Variants in KCNJ11 observed in about 807,000 individuals in gnomAD.
KCNJ11 encodes the protein potassium inwardly rectifying channel subfamily J member 11, also known as ATP-sensitive inward rectifier potassium channel 11.
Under a neutral mutation model 17.3 loss-of-function variants are expected in KCNJ11, and 12 were observed. That is an observed-to-expected ratio of 0.69 (90% CI 0.44 to 1.12). KCNJ11 has a LOEUF of 1.12. KCNJ11 is among the 50% of genes most tolerant of loss of function. The pLI is 0.00. For synonymous variants in KCNJ11, 211 were observed against 223.4 expected (o/e 0.94, Z 0.50); for missense variants, 386 against 554.1 (o/e 0.70, Z 3.05).
In KCNJ11 at chr11:17,388,650, C is replaced by G. The variant is rs547932593; in HGVS notation, c.-559G>C. On this transcript the variant is annotated 5_prime_UTR_variant, in exon 1 of 1. Transcript: ENST00000339994. ...ACCTGCCTGGCGCCTAGGGAGCCCCCAACCCTGCCGGCTCTCCACCTGGCC... is the reference window on the plus strand; with the variant it reads ...ACCTGCCTGGCGCCTAGGGAGCCCCGAACCCTGCCGGCTCTCCACCTGGCC... 157 of 357,478 alleles carry G rather than the reference C, an allele frequency of 4.4e-4. 1 individual carries two copies. The highest frequency in any genetic ancestry group is 1.7e-3 in the Middle Eastern group (4 of 2,364). The allele number at this position is 357,478 out of a possible 1,614,324, so 22.1% of individuals were successfully genotyped here.
Position 17,386,799 on chromosome 11 carries a change from G to T in KCNJ11, c.*120C>A. 1.2e-6 allele frequency: 1 copy of T among 819,540 alleles called. No homozygotes were observed. Among genetic ancestry groups the T allele is most frequent in the South Asian group, 1.8e-5 (1 of 56,572 alleles). The allele number at this position is 819,540 out of a possible 1,614,324, so 50.8% of individuals were successfully genotyped here. ...GTGACAAGTGCCTTGTAACACCCTG[G>T]ATGAGCAGCAGGGGGAGGCTGAGCT... On this transcript the variant is annotated 3_prime_UTR_variant, in exon 1 of 1. Coordinates refer to ENST00000339994, the MANE Select transcript of KCNJ11 (RefSeq NM_000525.4).
At position 17,385,722 on chromosome 11, in the gene KCNJ11, C is replaced by T. The variant is rs191682072; in HGVS notation, c.*1197G>A. Reference sequence around the variant, plus strand: ...TCCCCCTGAACTGGTGGAAGAGGTGCCAGCCTTCCGTCCCTCCCCTGCCCT... The same window carrying T: ...TCCCCCTGAACTGGTGGAAGAGGTGTCAGCCTTCCGTCCCTCCCCTGCCCT... On this transcript the variant is annotated 3_prime_UTR_variant, in exon 1 of 1. Transcript: ENST00000339994. The T allele has an allele frequency of 2.1e-3, 328 of 152,666 alleles. 2 individuals carry two copies. Among genetic ancestry groups the T allele is most frequent in the Middle Eastern group, 0.01 (3 of 294 alleles). 9.5% of individuals were successfully genotyped at this position (152,666 alleles called of 1,614,324 possible).
Position 17,387,741 on chromosome 11 carries a change from G to A in KCNJ11, c.351C>T (p.Phe117=), listed in dbSNP as rs1377287815. 6.2e-7 allele frequency: 1 copy of A among 1,614,134 alleles called. No individual in the cohort carries two copies. Among genetic ancestry groups the A allele is most frequent in the South Asian group, 1.1e-5 (1 of 91,084 alleles). Residue 117 remains phenylalanine, a synonymous_variant, in exon 1 of 1, where the codon TTC becomes TTT. Transcript: ENST00000339994. ...CAATGGAGAAAAGGAAGGCAGACGAGAAGGAGTGGATGCTGGTGACACAGG... is the reference window on the plus strand; with the variant it reads ...CAATGGAGAAAAGGAAGGCAGACGAAAAGGAGTGGATGCTGGTGACACAGG... ...AEPCVTSIHS[F]SSAFLFSIEV...
At position 17,388,176 on chromosome 11, in the gene KCNJ11, G is replaced by T. The variant is rs761208553; in HGVS notation, c.-85C>A. The T allele has an allele frequency of 4.1e-6, 5 of 1,214,856 alleles. No individual in the cohort carries two copies. In the East Asian group the frequency reaches 9.7e-5, roughly 23 times the overall value. The allele number at this position is 1,214,856 out of a possible 1,614,324, so 75.3% of individuals were successfully genotyped here. On this transcript the variant is annotated 5_prime_UTR_variant, in exon 1 of 1. Transcript: ENST00000339994. ...TAGGGCCTCACTGCAGAGTCCTCTC[G>T]GTGGGCACCTTCTCACCCTGGGGCT...
Position 17,388,075 on chromosome 11 carries a change from C to A in KCNJ11, c.17G>T (p.Gly6Val). 2 of 1,611,028 alleles carry A rather than the reference C, an allele frequency of 1.2e-6. No homozygotes were observed. Among genetic ancestry groups the A allele is most frequent in the Non-Finnish European group, 1.7e-6 (2 of 1,179,790 alleles). ...CAGCACGTATTCCTCGGGGATGATG[C>A]CCTTGCGGGACAGCATGGCTCCGGT... MLSRK[G>V]IIPEEYVLTR... The change falls in exon 1 of 1, where the codon GGC (glycine) becomes GTC (valine). Residue 6 changes from glycine to valine, a missense_variant. Physicochemically the swap from Gly to Val is moderately radical, Grantham distance 109. Transcript: ENST00000339994.
Position 17,387,267 on chromosome 11 carries a change from C to T in KCNJ11, c.825G>A (p.Leu275=), listed in dbSNP as rs2133379423. 6.2e-7 allele frequency: 1 copy of T among 1,614,130 alleles called. No homozygotes were observed. The highest frequency in any genetic ancestry group is 2.2e-5 in the East Asian group (1 of 44,868). ...TGATCTCGAGGTCCTGGTGGTGGTG[C>T]AGGTCGCTGGGTGCCAGGTCGTAGA... is the stretch of plus-strand genomic sequence containing the variant. ...SPLYDLAPSD[L]HHHQDLEIIV... Residue 275 remains leucine, a synonymous_variant, in exon 1 of 1, where the codon CTG becomes CTA. Coordinates refer to ENST00000339994, the MANE Select transcript of KCNJ11 (RefSeq NM_000525.4).
At chr11:17,388,751 C>A, upstream of KCNJ11, 2 of 441,000 alleles carry the variant, frequency 4.5e-6, no homozygotes, top group Non-Finnish European at 4.6e-6. Flanking sequence ...CCCCGCCCAG[C>A]CTGCCTTCCC....
rs141145502 is a variant in KCNJ11, at chr11:17,387,991, C to A, written c.101G>T (p.Arg34Leu). ...GCAGTTGCCTTTCTTGGACACAAAG[C>A]GGGCCCTCCGCTGGCGGGCACGGTA... ...PRYRARQRRARFVSKKGNCNV... is the reference protein window; with the variant it reads ...PRYRARQRRALFVSKKGNCNV... The change falls in exon 1 of 1, where the codon CGC becomes CTC. Residue 34 changes from arginine (R) to leucine (L), a missense_variant. Arg to Leu is a moderately radical substitution (Grantham distance 102). Transcript: ENST00000339994. 1 of 1,613,896 alleles carries A rather than the reference C, an allele frequency of 6.2e-7. No homozygotes were observed. Among genetic ancestry groups the A allele is most frequent in the Non-Finnish European group, 8.5e-7 (1 of 1,179,850 alleles).
At position 17,386,822 on chromosome 11, in the gene KCNJ11, G is replaced by T; in HGVS notation, c.*97C>A. On this transcript the variant is annotated 3_prime_UTR_variant, in exon 1 of 1. Coordinates refer to ENST00000339994, the MANE Select transcript of KCNJ11 (RefSeq NM_000525.4). ...TGGATGAGCAGCAGGGGGAGGCTGA[G>T]CTGAGGCTGGCCCAGCCTCACACCA... 9.2e-7 allele frequency: 1 copy of T among 1,084,834 alleles called. No individual in the cohort carries two copies. Among genetic ancestry groups the T allele is most frequent in the Non-Finnish European group, 1.3e-6 (1 of 753,246 alleles). The allele number at this position is 1,084,834 out of a possible 1,614,324, so 67.2% of individuals were successfully genotyped here.
In KCNJ11 at chr11:17,386,750, C is replaced by T. The variant is rs1208727100; in HGVS notation, c.*169G>A. ...GGACAAAAATAACCCAGTACAGGTT[C>T]CTGCTGAGGCCAGAAATAGCATAGT... On this transcript the variant is annotated 3_prime_UTR_variant, in exon 1 of 1. Transcript: ENST00000339994. 3 of 630,796 alleles carry T rather than the reference C, an allele frequency of 4.8e-6. No individual in the cohort carries two copies. Among genetic ancestry groups the T allele is most frequent in the Non-Finnish European group, 8.2e-6 (3 of 364,114 alleles). The allele number at this position is 630,796 out of a possible 1,614,324, so 39.1% of individuals were successfully genotyped here.
In KCNJ11 at chr11:17,386,863, A is replaced by C; in HGVS notation, c.*56T>G. On this transcript the variant is annotated 3_prime_UTR_variant, in exon 1 of 1. Coordinates refer to ENST00000339994, the MANE Select transcript of KCNJ11 (RefSeq NM_000525.4). ...CCTCACACCAGGCCCTGGCCGGGCTACATACCACATGGTCCGTGTGTACAC... is the reference window on the plus strand; with the variant it reads ...CCTCACACCAGGCCCTGGCCGGGCTCCATACCACATGGTCCGTGTGTACAC... 3 of 1,504,858 alleles carry C rather than the reference A, an allele frequency of 2.0e-6. No individual in the cohort carries two copies. The highest frequency in any genetic ancestry group is 2.7e-6 in the Non-Finnish European group (3 of 1,104,890). The allele number at this position is 1,504,858 out of a possible 1,614,324, so 93.2% of individuals were successfully genotyped here.
In KCNJ11 at chr11:17,388,616, CT is replaced by C; in HGVS notation, c.-526del. The C allele has an allele frequency of 2.9e-6, 1 of 343,496 alleles. No individual in the cohort carries two copies. Among genetic ancestry groups the C allele is most frequent in the Non-Finnish European group, 6.1e-6 (1 of 164,582 alleles). The allele number at this position is 343,496 out of a possible 1,614,324, so 21.3% of individuals were successfully genotyped here. On this transcript the variant is annotated 5_prime_UTR_variant, in exon 1 of 1. Transcript: ENST00000339994. ...ACAAAACAAAAAAAACAGCCTCACC[CT>C]TGAGCCCACCTGCCTGGCGCCTAGG...
chr11:17,387,692 C>A lies in KCNJ11; in HGVS notation c.400G>T (p.Gly134Trp). Residue 134 changes from glycine to tryptophan, a missense_variant, in exon 1 of 1, where the codon GGG (glycine) becomes TGG (tryptophan). Coordinates refer to ENST00000339994, the MANE Select transcript of KCNJ11 (RefSeq NM_000525.4). ...SIEVQVTIGF[G>W]GRMVTEECPL... ...CACTCCTCAGTCACCATGCGCCCCC[C>A]AAAGCCAATAGTCACTTGGACCTCA... The A allele has an allele frequency of 6.2e-7, 1 of 1,614,158 alleles. No homozygotes were observed. Among genetic ancestry groups the A allele is most frequent in the Non-Finnish European group, 8.5e-7 (1 of 1,180,042 alleles).
chr11:17,388,233 A>T lies in KCNJ11; in HGVS notation c.-142T>A, dbSNP rs1272347564. ...AGCCTGTGCTGGCCTCACTTCTGAG[A>T]TAACTCCCCACCAGACTCTTCCTTA... On this transcript the variant is annotated 5_prime_UTR_variant, in exon 1 of 1. Transcript: ENST00000339994. The T allele has an allele frequency of 1.5e-6, 1 of 689,210 alleles. No individual in the cohort carries two copies. Among genetic ancestry groups the T allele is most frequent in the East Asian group, 2.7e-5 (1 of 36,580 alleles). The allele number at this position is 689,210 out of a possible 1,614,324, so 42.7% of individuals were successfully genotyped here.
chr11:17,389,271 T>C (rs1419140418), upstream of KCNJ11: 1 of 151,742 alleles, frequency 6.6e-6, no homozygotes, highest in East Asian at 2.0e-4. Flanking sequence ...TGTCCGTCCG[T>C]GGGTCCGCGG....
Position 17,388,151 on chromosome 11 carries a change from T to C in KCNJ11, c.-60A>G, listed in dbSNP as rs1292264110. 1.3e-6 allele frequency: 2 copies of C among 1,512,484 alleles called. No individual in the cohort carries two copies. The highest frequency in any genetic ancestry group is 1.8e-6 in the Non-Finnish European group (2 of 1,096,168). The allele number at this position is 1,512,484 out of a possible 1,614,324, so 93.7% of individuals were successfully genotyped here. ...TCGGAGGCACCCCTCGGACGTGGCC[T>C]AGGGCCTCACTGCAGAGTCCTCTCG... is the stretch of plus-strand genomic sequence containing the variant. On this transcript the variant is annotated 5_prime_UTR_variant, in exon 1 of 1. Transcript: ENST00000339994.
Position 17,386,864 on chromosome 11 carries a change from CAT to C in KCNJ11, c.*53_*54del. On this transcript the variant is annotated 3_prime_UTR_variant, in exon 1 of 1. Coordinates refer to ENST00000339994, the MANE Select transcript of KCNJ11 (RefSeq NM_000525.4). ...CTCACACCAGGCCCTGGCCGGGCTACATACCACATGGTCCGTGTGTACACACG... is the reference window on the plus strand; with the variant it reads ...CTCACACCAGGCCCTGGCCGGGCTACACCACATGGTCCGTGTGTACACACG... The C allele has an allele frequency of 6.6e-7, 1 of 1,517,184 alleles. No homozygotes were observed. The highest frequency in any genetic ancestry group is 9.0e-7 in the Non-Finnish European group (1 of 1,115,690). The allele number at this position is 1,517,184 out of a possible 1,614,324, so 94.0% of individuals were successfully genotyped here.
Position 17,388,179 on chromosome 11 carries a change from G to T in KCNJ11, c.-88C>A. 1 of 1,188,740 alleles carries T rather than the reference G, an allele frequency of 8.4e-7. No individual in the cohort carries two copies. Among genetic ancestry groups the T allele is most frequent in the Non-Finnish European group, 1.2e-6 (1 of 822,512 alleles). 73.6% of individuals were successfully genotyped at this position (1,188,740 alleles called of 1,614,324 possible). On this transcript the variant is annotated 5_prime_UTR_variant, in exon 1 of 1. Transcript: ENST00000339994. Reference sequence around the variant, plus strand: ...GGCCTCACTGCAGAGTCCTCTCGGTGGGCACCTTCTCACCCTGGGGCTGCA... The same window carrying T: ...GGCCTCACTGCAGAGTCCTCTCGGTTGGCACCTTCTCACCCTGGGGCTGCA...
Position 17,387,939 on chromosome 11 carries a change from C to T in KCNJ11, c.153G>A (p.Glu51=). The part of the protein sequence containing the change: ...NCNVAHKNIR[E]QGRFLQDVFT... ...ACACGTCCTGCAGGAAGCGGCCCTG[C>T]TCCCGGATGTTCTTGTGGGCCACGT... Residue 51 remains glutamate (E), a synonymous_variant, in exon 1 of 1, where the codon GAG becomes GAA. Coordinates refer to ENST00000339994, the MANE Select transcript of KCNJ11 (RefSeq NM_000525.4). The T allele has an allele frequency of 6.2e-7, 1 of 1,611,552 alleles. No homozygotes were observed. Among genetic ancestry groups the T allele is most frequent in the Non-Finnish European group, 8.5e-7 (1 of 1,177,818 alleles).
Sources: gnomAD v4.1 joint callset for allele counts on GRCh38, gnomAD v4.1.1 for gene constraint, MANE v1.5 for transcripts, NCBI Gene and HGNC (gene_info 2026-07-23, HGNC 2026-07-21) for gene names.